Variants in CCDC174 observed in about 807,000 individuals in gnomAD.
The protein encoded by CCDC174 is coiled-coil domain containing 174.
Under a neutral mutation model 57.1 loss-of-function variants are expected in CCDC174, and 37 were observed. The observed-to-expected ratio is 0.65, with a 90% CI of 0.50 to 0.85. The LOEUF (loss-of-function observed/expected upper bound fraction) is 0.85, where lower values mean the gene tolerates loss of function less well. CCDC174 is among the 40% of genes least tolerant of loss of function. The pLI, the probability that CCDC174 is intolerant of heterozygous loss-of-function variation, is 0.00. For synonymous variants in CCDC174, 182 were observed against 190.2 expected, an observed-to-expected ratio of 0.96 and a Z score of 0.35; for missense variants, 540 against 574.3, an observed-to-expected ratio of 0.94 and a Z score of 0.61.
At chr3:14,661,888 T>A in intron 5 of CCDC174, 181 bp downstream of exon 5, 1 of 535,418 alleles carries the variant, frequency 1.9e-6, no homozygotes, top group Non-Finnish European at 3.3e-6. Flanking sequence ...GTAGCTCAAA[T>A]GAAGACATAA....
chr3:14,659,998 G>A (rs756719744), intron 4 of CCDC174, among the ~76,000 whole-genome samples: 8 of 152,158 alleles, frequency 5.3e-5, no homozygotes, highest in African/African-American at 1.7e-4. Flanking sequence ...GTCCCTGACC[G>A]CTTCTTCCCA....
chr3:14,657,529 G>A (rs1167930934), intron 3 of CCDC174, among the ~76,000 whole-genome samples: 1 of 152,164 alleles, frequency 6.6e-6, no homozygotes, highest in African/African-American at 2.4e-5. Flanking sequence ...TAAATCCAGC[G>A]GCCGTTTCCC....
chr3:14,656,134 C>T (rs1251065472), intron 3 of CCDC174, among the ~76,000 whole-genome samples: 1 of 152,182 alleles, frequency 6.6e-6, no homozygotes, highest in African/African-American at 2.4e-5. Flanking sequence ...CAGCCTATAT[C>T]TTCTGAGAAC....
intron 1 of CCDC174, among the ~76,000 whole-genome samples, chr3:14,652,208 A>G (rs956749646): frequency 3.3e-5 from 5 of 152,144 alleles, no homozygotes; most frequent in African/African-American, 1.2e-4. Context: ...CTTCTCCCTT[A>G]CAGTCAGGAG....
In CCDC174 at chr3:14,668,090, G is replaced by T. The variant is rs763614170; in HGVS notation, c.861G>T (p.Lys287Asn). 6.2e-7 allele frequency: 1 copy of T among 1,606,194 alleles called. No homozygotes were observed. The highest frequency in any genetic ancestry group is 8.5e-7 in the Non-Finnish European group (1 of 1,177,114). Residue 287 changes from lysine to asparagine, a missense_variant, in exon 9 of 11, where the codon AAG becomes AAT. Physicochemically the swap from Lys to Asn is moderately conservative, Grantham distance 94 (BLOSUM62 0). Transcript: ENST00000383794. ...CAAAACGAGAAAACATAAAGGAAAA[G>T]CGAAAGGCTATCTTAGAGGCAAGAC... ...QRTKRENIKE[K>N]RKAILEARLA...
At chr3:14,670,150 G>A (rs924997603) in intron 10 of CCDC174, 64 bp downstream of exon 10, 4 of 1,516,094 alleles carry the variant, frequency 2.6e-6, no homozygotes, top group Non-Finnish European at 3.6e-6. Context: ...TTTTTTTCTA[G>A]AAGCACTTGG....
chr3:14,667,559 C>T lies in CCDC174; in HGVS notation c.819+41C>T, dbSNP rs202130039. On this transcript the variant is annotated intron_variant, in intron 8 of 10. Coordinates refer to ENST00000383794, the MANE Select transcript of CCDC174 (RefSeq NM_016474.5). The stretch of plus-strand genomic sequence containing the variant: ...AAGTGACTGTGAGGAAAGATGTGAG[C>T]GCTTGGTTTCTTGCTGGACCATACT... 1.1e-4 allele frequency: 169 copies of T among 1,482,352 alleles called. 1 individual carries two copies. Among genetic ancestry groups the T allele is most frequent in the Non-Finnish European group, 1.4e-4 (151 of 1,061,362 alleles). 91.8% of individuals were successfully genotyped at this position (1,482,352 alleles called of 1,614,324 possible).
chr3:14,670,161 G>T, intron 10 of CCDC174, 75 bp downstream of exon 10: 1 of 1,474,614 alleles, frequency 6.8e-7, no homozygotes, highest in Non-Finnish European at 9.2e-7. Flanking sequence ...AAGCACTTGG[G>T]GTAAGTTTTA....
chr3:14,660,598 G>A (rs4685206), intron 4 of CCDC174, among the ~76,000 whole-genome samples: 50,213 of 152,158 alleles, frequency 0.33, 8,434 homozygotes, highest in Admixed American at 0.39. Flanking sequence ...GTCCAAAGGA[G>A]TGTGAAGGTA....
At chr3:14,667,030 C>A in intron 7 of CCDC174, 83 bp downstream of exon 7, 3 of 1,192,202 alleles carry the variant, frequency 2.5e-6, no homozygotes, top group Non-Finnish European at 3.6e-6. Flanking sequence ...ATTCATAAAG[C>A]AATAGCTTTT....
chr3:14,668,060 G>T lies in CCDC174; in HGVS notation c.831G>T (p.Gln277His). Residue 277 changes from glutamine to histidine, a missense_variant, in exon 9 of 11, where the codon CAG becomes CAT. Gln to His is a conservative substitution (Grantham distance 24). Transcript: ENST00000383794. ...LEMLREQTTD[Q>H]RTKRENIKEK... ...GATTTTCTGTTCAGACAACAGATCA[G>T]AGAACAAAACGAGAAAACATAAAGG... 1 of 1,595,958 alleles carries T rather than the reference G, an allele frequency of 6.3e-7. No homozygotes were observed.
At chr3:14,661,473 T>G in intron 4 of CCDC174, 57 bp from the exon 5 acceptor site, 1 of 1,482,486 alleles carries the variant, frequency 6.7e-7, no homozygotes, top group South Asian at 1.3e-5. Flanking sequence ...CTGCTTCTTG[T>G]CCATTCCATG....
At chr3:14,666,709 A>G in intron 6 of CCDC174, 96 bp from the exon 7 acceptor site, 2 of 979,588 alleles carry the variant, frequency 2.0e-6, no homozygotes, top group Non-Finnish European at 2.9e-6. Flanking sequence ...TTTCTTTATC[A>G]AATAGTGTTA....
chr3:14,659,392 T>C (rs372347618), intron 4 of CCDC174, among the ~76,000 whole-genome samples: 1 of 152,322 alleles, frequency 6.6e-6, no homozygotes, highest in East Asian at 1.9e-4. Context: ...GTGCTTATAA[T>C]TGCTTTAAAT....
chr3:14,664,893 G>A (rs1276410413), intron 5 of CCDC174, 135 bp from the exon 6 acceptor site: 2 of 694,882 alleles, frequency 2.9e-6, no homozygotes, highest in African/African-American at 3.6e-5. Flanking sequence ...CCTATCAGTG[G>A]TAGTGGTCTC....
In CCDC174 at chr3:14,658,932, A is replaced by G. The variant is rs146669257; in HGVS notation, c.307+3A>G. The G allele has an allele frequency of 3.1e-4, 471 of 1,505,466 alleles. No individual in the cohort carries two copies. The African/African-American group carries it at 6.0e-3, about 19-fold the overall frequency. The allele number at this position is 1,505,466 out of a possible 1,614,324, so 93.3% of individuals were successfully genotyped here. A position where few individuals can be genotyped will look rare whatever the true frequency, so the allele number is the denominator to read the frequency against. ...AATGACTAAAGGAGACTTTATAGGT[A>G]AATAAAATTTGTTATTTCTACTTCA... On this transcript the variant is annotated splice_donor_region_variant and intron_variant, in intron 4 of 10. Transcript: ENST00000383794.
In CCDC174 at chr3:14,654,474, C is replaced by G. The variant is rs1559378817; in HGVS notation, c.91C>G (p.Gln31Glu). 5.6e-6 allele frequency: 9 copies of G among 1,607,658 alleles called. No individual in the cohort carries two copies. Among genetic ancestry groups the G allele is most frequent in the Non-Finnish European group, 6.8e-6 (8 of 1,177,000 alleles). ...ELFRKQEEFK[Q>E]EKLLKDSGVF... ...CTTCCGAAAGCAAGAAGAATTCAAA[C>G]AAGAAAAACTTCTAAAAGATTCTGG... Residue 31 changes from glutamine (Q) to glutamate (E), a missense_variant, in exon 2 of 11, where the codon CAA (glutamine) becomes GAA (glutamate). Coordinates refer to ENST00000383794, the MANE Select transcript of CCDC174 (RefSeq NM_016474.5).
chr3:14,671,260 A>C lies in CCDC174; in HGVS notation c.*66A>C. 6.9e-7 allele frequency: 1 copy of C among 1,443,360 alleles called. No individual in the cohort carries two copies. 89.4% of individuals were successfully genotyped at this position (1,443,360 alleles called of 1,614,324 possible). ...GCCTTTCTCTCCCAGAGGGAGAAAT[A>C]ACTTTAGGAACTGAATTGTACCTTT... On this transcript the variant is annotated 3_prime_UTR_variant, in exon 11 of 11. Coordinates refer to ENST00000383794, the MANE Select transcript of CCDC174 (RefSeq NM_016474.5).
At chr3:14,666,995 A>G (rs2031366288) in intron 7 of CCDC174, 48 bp downstream of exon 7, 1 of 1,482,388 alleles carries the variant, frequency 6.7e-7, no homozygotes, top group Non-Finnish European at 9.1e-7. Context: ...TTAACCTTAA[A>G]CTGATGGCAA....
Sources: gnomAD v4.1 joint callset for allele counts (sites outside exome capture counted in the v4.1 genomes callset) on GRCh38, gnomAD v4.1.1 for gene constraint, MANE v1.5 for transcripts, NCBI Gene and HGNC (gene_info 2026-07-23, HGNC 2026-07-21) for gene names.